Variants in ZNF804B observed in about 807,000 individuals in gnomAD.
ZNF804B encodes zinc finger protein 804B.
Under a neutral mutation model 101.4 loss-of-function variants are expected in ZNF804B, and 80 were observed. The ratio of observed to expected loss-of-function variants is 0.79; its 90% confidence interval spans 0.66 to 0.95. ZNF804B has a LOEUF of 0.95. Among genes scored for constraint, ZNF804B ranks in the 40% least tolerant of loss-of-function variants. The pLI is 0.00. For missense variants in ZNF804B, 1,673 were observed against 1,561.9 expected (o/e 1.07, Z -1.20); for synonymous variants, 622 against 558.8 (o/e 1.11, Z -1.59).
chr7:89,077,653 A>G (rs1454640382), intron 1 of ZNF804B, among the ~76,000 whole-genome samples: 1 of 152,208 alleles, frequency 6.6e-6, no homozygotes, highest in African/African-American at 2.4e-5. Context: ...ATTTCAAAAT[A>G]CTTAAAAAAT....
chr7:89,043,098 T>C (rs1562868764), intron 1 of ZNF804B, among the ~76,000 whole-genome samples: 1 of 152,148 alleles, frequency 6.6e-6, no homozygotes, highest in Non-Finnish European at 1.5e-5. Context: ...TAAATCAAAG[T>C]CACAATGCTG....
At chr7:88,761,936 T>C (rs1486142829) in intron 1 of ZNF804B, among the ~76,000 whole-genome samples, 1 of 152,166 alleles carries the variant, frequency 6.6e-6, no homozygotes, top group Non-Finnish European at 1.5e-5. Flanking sequence ...CTATAGAGAC[T>C]GGATGTGTGA....
intron 1 of ZNF804B, among the ~76,000 whole-genome samples, chr7:89,186,215 T>G (rs1788374103): frequency 6.6e-6 from 1 of 152,046 alleles, no homozygotes; most frequent in Admixed American, 6.6e-5. Flanking sequence ...ATAAAACAAA[T>G]TATCCCTAAC....
At chr7:88,913,189 G>A (rs1487341430) in intron 1 of ZNF804B, among the ~76,000 whole-genome samples, 1 of 152,070 alleles carries the variant, frequency 6.6e-6, no homozygotes, top group Non-Finnish European at 1.5e-5. Context: ...TCACTTTGCT[G>A]TATGATTCCT....
At chr7:89,001,529 C>G (rs1788288657) in intron 1 of ZNF804B, among the ~76,000 whole-genome samples, 1 of 151,800 alleles carries the variant, frequency 6.6e-6, no homozygotes, top group Non-Finnish European at 1.5e-5. Flanking sequence ...TGTCAGATAG[C>G]TTGGTAGCCA....
chr7:89,043,884 T>C (rs1789057451), intron 1 of ZNF804B, among the ~76,000 whole-genome samples: 1 of 152,154 alleles, frequency 6.6e-6, no homozygotes, highest in Admixed American at 6.5e-5. Flanking sequence ...TGAATATATA[T>C]TAAGAGATAT....
intron 1 of ZNF804B, among the ~76,000 whole-genome samples, chr7:89,040,882 C>G (rs1213157168): frequency 6.6e-6 from 1 of 152,080 alleles, no homozygotes; most frequent in Non-Finnish European, 1.5e-5. Context: ...TGGAAGCTGG[C>G]CTGGTGCTAA....
intron 1 of ZNF804B, among the ~76,000 whole-genome samples, chr7:88,797,822 AT>A (rs1790513844): frequency 6.6e-6 from 1 of 152,056 alleles, no homozygotes; most frequent in East Asian, 1.9e-4. Context: ...TCATTTACAT[AT>A]TTTTATTATA....
At chr7:89,195,706 T>G (rs1788537437) in intron 1 of ZNF804B, among the ~76,000 whole-genome samples, 1 of 151,674 alleles carries the variant, frequency 6.6e-6, no homozygotes. Context: ...TCAGCAAATC[T>G]TAGGATGCAA....
In ZNF804B at chr7:88,901,726, G is replaced by A. The variant is rs536977152; in HGVS notation, c.108+141642G>A. The stretch of plus-strand genomic sequence containing the variant: ...AAATTTTTAGAAAATGAAGCTAGAA[G>A]CTAGGGGTCTTGAATAAATTGGCCT... On this transcript the variant is annotated intron_variant, in intron 1 of 3. Coordinates refer to ENST00000333190, the MANE Select transcript of ZNF804B (RefSeq NM_181646.5). Among the ~76,000 whole-genome samples, 4 of 151,932 alleles carry A rather than the reference G, an allele frequency of 2.6e-5. No homozygotes were observed. The South Asian group carries it at 8.3e-4, about 32-fold the overall frequency.
chr7:88,880,217 A>G (rs1395419355), intron 1 of ZNF804B, among the ~76,000 whole-genome samples: 1 of 152,204 alleles, frequency 6.6e-6, no homozygotes, highest in Admixed American at 6.5e-5. Flanking sequence ...TGCTATAAAG[A>G]GGCTGAGTTG....
intron 1 of ZNF804B, among the ~76,000 whole-genome samples, chr7:89,145,900 C>A (rs1790784744): frequency 1.3e-5 from 2 of 151,964 alleles, no homozygotes; most frequent in African/African-American, 4.8e-5. Flanking sequence ...TTTAAAGACA[C>A]AAGAGATTTT....
At chr7:88,809,829 A>G (rs957437762) in intron 1 of ZNF804B, among the ~76,000 whole-genome samples, 2 of 152,132 alleles carry the variant, frequency 1.3e-5, no homozygotes, top group Non-Finnish European at 2.9e-5. Context: ...CTTTCAGCAC[A>G]GTTGCTTCTC....
chr7:89,033,750 A>G (rs555709686), intron 1 of ZNF804B, among the ~76,000 whole-genome samples: 1 of 151,480 alleles, frequency 6.6e-6, no homozygotes, highest in East Asian at 1.9e-4. Context: ...GAAAGGAAAT[A>G]TTGTTCTAAA....
chr7:89,011,603 C>A (rs1177420702), intron 1 of ZNF804B, among the ~76,000 whole-genome samples: 1 of 152,102 alleles, frequency 6.6e-6, no homozygotes, highest in Non-Finnish European at 1.5e-5. Flanking sequence ...TAAAGGGCTA[C>A]AGATTCCATG....
intron 1 of ZNF804B, among the ~76,000 whole-genome samples, chr7:89,007,106 A>T (rs772437104): frequency 3.3e-5 from 5 of 152,042 alleles, no homozygotes; most frequent in African/African-American, 4.8e-5. Flanking sequence ...ATTCATTCTC[A>T]GCCTCCACTG....
chr7:89,141,861 AT>A (rs1470905027), intron 1 of ZNF804B, among the ~76,000 whole-genome samples: 1 of 148,610 alleles, frequency 6.7e-6, no homozygotes, highest in African/African-American at 2.5e-5. Context: ...TCCTGAAATA[AT>A]AGAATTGAAA....
chr7:89,166,708 A>G (rs1045837407), intron 1 of ZNF804B, among the ~76,000 whole-genome samples: 1 of 152,210 alleles, frequency 6.6e-6, no homozygotes, highest in Non-Finnish European at 1.5e-5. Context: ...TGCACTAAAC[A>G]TGACGAAAAG....
rs1452091282 is a variant in ZNF804B, at chr7:89,040,566, CTTCT to C, written c.109-177586_109-177583del. ...CTATGTTCTCTTATAGCTCACTGGG[CTTCT>C]TTAAGACAATTTTGAATTATTTGCC... On this transcript the variant is annotated intron_variant, in intron 1 of 3. Coordinates refer to ENST00000333190, the MANE Select transcript of ZNF804B (RefSeq NM_181646.5). Among the ~76,000 whole-genome samples the C allele has an allele frequency of 1.2e-3, 184 of 152,128 alleles. 2 individuals carry two copies. The highest frequency in any genetic ancestry group is 1.0e-4 in the Non-Finnish European group (7 of 68,034).
Sources: gnomAD v4.1 joint callset for allele counts (sites outside exome capture counted in the v4.1 genomes callset) on GRCh38, gnomAD v4.1.1 for gene constraint, MANE v1.5 for transcripts, NCBI Gene and HGNC (gene_info 2026-07-23, HGNC 2026-07-21) for gene names.